ALK: variants seen among roughly 807,000 people sequenced by gnomAD.
The protein encoded by ALK is ALK tyrosine kinase receptor.
ALK carries 74 observed loss-of-function variants against 163.1 expected under a neutral mutation model. That is an observed-to-expected ratio of 0.45 (90% CI 0.38 to 0.55). ALK has a LOEUF of 0.55. Ranked by LOEUF, ALK falls within the 20% of genes least tolerant of loss-of-function variation. ALK has a pLI of 0.00. For synonymous variants in ALK, 960 were observed against 843.2 expected (o/e 1.14, Z -2.40); for missense variants, 2,063 against 2,105.3 (o/e 0.98, Z 0.39).
At position 29,197,547 on chromosome 2, in the gene ALK, C is replaced by T. The variant is rs2148143199; in HGVS notation, c.4068G>A (p.Gly1356=). ...TGTTCCTAAAAGAGTCATACACAGG[C>T]CCAGGGCAGTTCTTGGGTGGGTCCA... The part of the protein sequence containing the change: ...GRMDPPKNCP[G]PVYRIMTQCW... Residue 1356 remains glycine, a synonymous_variant, in exon 27 of 29, where the codon GGG becomes GGA. Transcript: ENST00000389048. 1 of 1,613,514 alleles carries T rather than the reference C, an allele frequency of 6.2e-7. No homozygotes were observed. The highest frequency in any genetic ancestry group is 1.1e-5 in the South Asian group (1 of 91,034).
At chr2:29,232,936 G>A (rs1277288415) in intron 14 of ALK, among the ~76,000 whole-genome samples, 1 of 152,148 alleles carries the variant, frequency 6.6e-6, no homozygotes, top group Non-Finnish European at 1.5e-5. Flanking sequence ...TTCAGTTTCT[G>A]GCCTGGCTGT....
chr2:29,786,732 G>A (rs1664037601), intron 1 of ALK, among the ~76,000 whole-genome samples: 1 of 152,196 alleles, frequency 6.6e-6, no homozygotes, highest in Non-Finnish European at 1.5e-5. Context: ...TCTGCTTATT[G>A]AGTTTACATA....
intron 4 of ALK, among the ~76,000 whole-genome samples, chr2:29,443,843 G>A (rs1558326397): frequency 1.3e-5 from 2 of 152,194 alleles, no homozygotes; most frequent in East Asian, 3.8e-4. Context: ...TTATGCCCCA[G>A]GCACTCTGAG....
chr2:29,599,531 G>C (rs925988059), intron 3 of ALK, among the ~76,000 whole-genome samples: 5 of 152,220 alleles, frequency 3.3e-5, no homozygotes, highest in African/African-American at 1.2e-4. Flanking sequence ...ACAAGAATGT[G>C]TGTGACCAGG....
chr2:29,508,351 G>A (rs929152247), intron 4 of ALK, among the ~76,000 whole-genome samples: 1 of 152,110 alleles, frequency 6.6e-6, no homozygotes, highest in East Asian at 1.9e-4. Context: ...ATACACCATG[G>A]AATACTATGC....
chr2:29,920,928 C>T lies in ALK; in HGVS notation c.-269G>A. On this transcript the variant is annotated 5_prime_UTR_variant, in exon 1 of 29. Transcript: ENST00000389048. ...TCACTGGCTGGGACCTTGAGCCTCC[C>T]GCTCTCCGCGCCGAGTGCCGCGCCC... The T allele has an allele frequency of 3.9e-6, 2 of 511,280 alleles. No homozygotes were observed. Among genetic ancestry groups the T allele is most frequent in the Non-Finnish European group, 7.0e-6 (2 of 286,076 alleles). 31.7% of individuals were successfully genotyped at this position (511,280 alleles called of 1,614,324 possible).
At chr2:29,821,939 A>T (rs745775457) in intron 1 of ALK, among the ~76,000 whole-genome samples, 78 of 152,172 alleles carry the variant, frequency 5.1e-4, no homozygotes, top group Admixed American at 1.2e-3. Context: ...CATTGTCTGG[A>T]CATTCCTTCC....
At position 29,246,971 on chromosome 2, in the gene ALK, C is replaced by T. The variant is rs578002134; in HGVS notation, c.2204+4134G>A. 1.3e-5 allele frequency among the ~76,000 whole-genome samples: 2 copies of T among 152,248 alleles called. No homozygotes were observed. Among genetic ancestry groups the T allele is most frequent in the Non-Finnish European group, 2.9e-5 (2 of 68,046 alleles). ...CCCCGAGGCCAGCCTTGCCCGACTT[C>T]TCATCGGCAGTACCGACTTCTTGTG... On this transcript the variant is annotated intron_variant, in intron 12 of 28. Coordinates refer to ENST00000389048, the MANE Select transcript of ALK (RefSeq NM_004304.5). The surrounding 1 kb of genome is among the most constrained non-coding windows in gnomAD (Gnocchi z 4.3).
At chr2:29,203,694 C>T (rs899679145) in intron 26 of ALK, among the ~76,000 whole-genome samples, 1 of 151,526 alleles carries the variant, frequency 6.6e-6, no homozygotes, top group Non-Finnish European at 1.5e-5. Flanking sequence ...CCATCTTGGC[C>T]AGGCTGGTCT....
intron 1 of ALK, among the ~76,000 whole-genome samples, chr2:29,795,846 C>T (rs182484336): frequency 4.6e-5 from 7 of 152,182 alleles, no homozygotes; most frequent in African/African-American, 1.4e-4. Flanking sequence ...AAAATAATTA[C>T]TATGCATTAT....
chr2:29,244,244 C>T (rs1187071848), intron 12 of ALK, among the ~76,000 whole-genome samples: 1 of 152,232 alleles, frequency 6.6e-6, no homozygotes, highest in East Asian at 1.9e-4. Context: ...CCCGTGGGAT[C>T]CTGGGCAAGG....
intron 4 of ALK, among the ~76,000 whole-genome samples, chr2:29,409,571 C>G (rs1046706637): frequency 1.3e-5 from 2 of 152,174 alleles, no homozygotes; most frequent in Non-Finnish European, 2.9e-5. Flanking sequence ...AATTCACAAG[C>G]CCAGAGCTTC....
intron 1 of ALK, among the ~76,000 whole-genome samples, chr2:29,808,520 T>C (rs560624865): frequency 1.7e-4 from 26 of 152,102 alleles, no homozygotes; most frequent in Admixed American, 3.3e-4. Context: ...TTTTCTTCCA[T>C]CAATTTCCTA....
chr2:29,272,951 A>G (rs1665431859), intron 11 of ALK, among the ~76,000 whole-genome samples: 1 of 152,166 alleles, frequency 6.6e-6, no homozygotes, highest in African/African-American at 2.4e-5. Flanking sequence ...TCATCCCTAT[A>G]ATGGTAAAAA....
chr2:29,218,796 G>A (rs1380742004), intron 23 of ALK, among the ~76,000 whole-genome samples: 1 of 152,280 alleles, frequency 6.6e-6, no homozygotes, highest in African/African-American at 2.4e-5. Context: ...CCCACTGACA[G>A]CAGTGCTGCT....
At chr2:29,626,462 T>A (rs566804698) in intron 3 of ALK, among the ~76,000 whole-genome samples, 1 of 152,218 alleles carries the variant, frequency 6.6e-6, no homozygotes, top group African/African-American at 2.4e-5. Context: ...TCTTCCATCA[T>A]CTTCTGCCAT....
intron 3 of ALK, among the ~76,000 whole-genome samples, chr2:29,554,653 T>C (rs1317872459): frequency 3.3e-5 from 5 of 152,206 alleles, no homozygotes; most frequent in Non-Finnish European, 5.9e-5. Context: ...TTTGAATACC[T>C]GCTACTGTCA....
In ALK at chr2:29,587,338, T is replaced by C. The variant is rs541140395; in HGVS notation, c.953-55222A>G. On this transcript the variant is annotated intron_variant, in intron 3 of 28. Transcript: ENST00000389048. ...TAACATCTGTCTTTCATGACTGGCA[T>C]AGGCTGTAAGCTTATTTTTAAGCAC... Among the ~76,000 whole-genome samples, 34 of 152,334 alleles carry C rather than the reference T, an allele frequency of 2.2e-4. No individual in the cohort carries two copies. The South Asian group carries it at 7.0e-3, about 32-fold the overall frequency.
At chr2:29,691,552 T>C (rs1448511833) in intron 3 of ALK, among the ~76,000 whole-genome samples, 3 of 152,212 alleles carry the variant, frequency 2.0e-5, no homozygotes, top group Non-Finnish European at 4.4e-5. Context: ...CAATCCTGAT[T>C]CATCTAATGG....
Sources: gnomAD v4.1 joint callset for allele counts (sites outside exome capture counted in the v4.1 genomes callset) on GRCh38, gnomAD v4.1.1 for gene constraint, Gnocchi (gnomAD v3.1) non-coding constraint, MANE v1.5 for transcripts, NCBI Gene and HGNC (gene_info 2026-07-23, HGNC 2026-07-21) for gene names.